The following WLS variants were observed in gnomAD, a reference collection of about 807,000 sequenced individuals.
WLS encodes protein wntless homolog.
A neutral mutation model predicts 62.8 loss-of-function variants in WLS; 23 were observed. The ratio of observed to expected loss-of-function variants is 0.37; its 90% CI spans 0.26 to 0.52. WLS has a LOEUF of 0.52. Among genes scored for constraint, WLS ranks in the 20% least tolerant of loss-of-function variants. The pLI, the probability that WLS is intolerant of heterozygous loss-of-function variation, is 0.92. For missense variants in WLS, 615 were observed against 697.3 expected, an observed-to-expected ratio of 0.88 and a Z score of 1.33; for synonymous variants, 246 against 244.1, an observed-to-expected ratio of 1.01 and a Z score of -0.07.
intron 5 of WLS, among the ~76,000 whole-genome samples, chr1:68,152,759 G>T (rs532962492): frequency 1.3e-5 from 2 of 152,152 alleles, no homozygotes; most frequent in Non-Finnish European, 2.9e-5. Context: ...TGGGAAATGG[G>T]AGAATTTTGT....
At chr1:68,131,210 C>CT (rs5774913) in intron 11 of WLS, among the ~76,000 whole-genome samples, 90,154 of 146,142 alleles carry the variant, frequency 0.62, 27,931 homozygotes, top group Non-Finnish European at 0.68. Flanking sequence ...CGCACCTGGC[C>CT]TTTTTTTTTT....
chr1:68,159,265 C>A lies in WLS; in HGVS notation c.380-18G>T. ...ATTTTCTCCTGCAAGAGAAAGGATG[C>A]ACGTTTCAGAAATGACTTTTGGAAA... On this transcript the variant is annotated intron_variant, in intron 2 of 11. Coordinates refer to ENST00000262348, the MANE Select transcript of WLS (RefSeq NM_024911.7). 6.2e-7 allele frequency: 1 copy of A among 1,608,130 alleles called. No homozygotes were observed. The highest frequency in any genetic ancestry group is 8.5e-7 in the Non-Finnish European group (1 of 1,178,158).
At chr1:68,124,351 C>A (rs188931325), downstream of WLS, among the ~76,000 whole-genome samples, 4 of 152,322 alleles carry the variant, frequency 2.6e-5, no homozygotes, top group Admixed American at 2.6e-4. Flanking sequence ...GTGCACAGGG[C>A]TCATCATCTG....
intron 1 of WLS, among the ~76,000 whole-genome samples, chr1:68,211,452 C>T (rs1199105655): frequency 2.0e-5 from 3 of 152,136 alleles, no homozygotes; most frequent in Non-Finnish European, 2.9e-5. Context: ...TTTTCCCTAT[C>T]GCCTCATCTC....
chr1:68,147,466 A>C (rs577242667), intron 8 of WLS, among the ~76,000 whole-genome samples: 1 of 152,362 alleles, frequency 6.6e-6, no homozygotes, highest in African/African-American at 2.4e-5. Context: ...TCAAGGAAGA[A>C]TACAACCCAA....
chr1:68,118,256 A>T (rs192503779), intron 11 of WLS, among the ~76,000 whole-genome samples: 16 of 152,358 alleles, frequency 1.1e-4, no homozygotes, highest in Admixed American at 8.5e-4. Flanking sequence ...ACCTAAAAAT[A>T]TCAAGTCATA....
At chr1:68,186,795 TATAAC>T (rs3053455) in intron 2 of WLS, 80,685 of 352,192 alleles carry the variant, frequency 0.23, 9,923 homozygotes, top group Non-Finnish European at 0.26. Context: ...GCTGAATATA[TATAAC>T]ATAATATATA....
At chr1:68,155,306 A>T (rs372877016) in intron 3 of WLS, 46 bp from the exon 4 acceptor site, 387 of 1,572,036 alleles carry the variant, frequency 2.5e-4, no homozygotes, top group Admixed American at 4.9e-4. Context: ...TATTTCCAAT[A>T]GACTGGCTCT....
chr1:68,223,187 G>A (rs2100664233), intron 1 of WLS, among the ~76,000 whole-genome samples: 1 of 152,328 alleles, frequency 6.6e-6, no homozygotes, highest in African/African-American at 2.4e-5. Context: ...AATAGATTGA[G>A]TAAAAGCATG....
intron 1 of WLS, among the ~76,000 whole-genome samples, chr1:68,197,822 T>C (rs1009919597): frequency 6.6e-6 from 1 of 152,184 alleles, no homozygotes; most frequent in Non-Finnish European, 1.5e-5. Context: ...GTCTGTAAAT[T>C]TTTTTAAAGT....
rs756171146 is a variant in WLS, at chr1:68,137,950, G to A, written c.1363-17C>T. 22 of 1,612,998 alleles carry A rather than the reference G, an allele frequency of 1.4e-5. No homozygotes were observed. The highest frequency in any genetic ancestry group is 1.7e-5 in the Admixed American group (1 of 59,866). On this transcript the variant is annotated splice_polypyrimidine_tract_variant and intron_variant, in intron 10 of 11. Transcript: ENST00000262348. ...TTCCGTTACCTGCGGAGAAAGGATG[G>A]TGATATTCAATTGAAACAGAGAAGA...
At chr1:68,190,552 G>A (rs985421611) in intron 2 of WLS, among the ~76,000 whole-genome samples, 10 of 152,208 alleles carry the variant, frequency 6.6e-5, no homozygotes, top group Admixed American at 3.3e-4. Context: ...GCCATGTTGC[G>A]AGGCAGTCTT....
At chr1:68,111,240 T>C (rs1426154389) in intron 11 of WLS, among the ~76,000 whole-genome samples, 1 of 152,212 alleles carries the variant, frequency 6.6e-6, no homozygotes, top group East Asian at 1.9e-4. Context: ...GGACCATAGA[T>C]GAACTACATC....
rs376438339 is a variant in WLS at position 68,132,733 on chromosome 1, ACTT to A, written c.1516+5044_1516+5046del. Among the ~76,000 whole-genome samples the A allele has an allele frequency of 2.7e-3, 418 of 152,254 alleles. 2 individuals carry two copies. Among genetic ancestry groups the A allele is most frequent in the African/African-American group, 9.5e-3 (394 of 41,548 alleles). ...CATCTAGTTGGGAATTCTGTGTCTCACTTCTTTTTTTAAAACATTCTGACAAGA... is the reference window on the plus strand; with the variant it reads ...CATCTAGTTGGGAATTCTGTGTCTCACTTTTTTTAAAACATTCTGACAAGA... On this transcript the variant is annotated intron_variant, in intron 11 of 11. Transcript: ENST00000262348.
chr1:68,231,739 T>C (rs957938614), intron 1 of WLS: 1 of 464,284 alleles, frequency 2.2e-6, no homozygotes, highest in Non-Finnish European at 4.3e-6. Context: ...GAGCTCCGGG[T>C]TTGCGCCGGG....
chr1:68,201,769 C>T (rs138399605), intron 1 of WLS, among the ~76,000 whole-genome samples: 194 of 152,260 alleles, frequency 1.3e-3, no homozygotes, highest in African/African-American at 4.5e-3. Flanking sequence ...CACAAACATA[C>T]ATACTACATA....
At chr1:68,208,834 G>T (rs1043288079) in intron 1 of WLS, among the ~76,000 whole-genome samples, 2 of 152,180 alleles carry the variant, frequency 1.3e-5, no homozygotes, top group Non-Finnish European at 2.9e-5. Flanking sequence ...GGCGTGTTAG[G>T]AGTGTGGGTC....
chr1:68,184,548 A>T lies in WLS; in HGVS notation c.379+9407T>A, dbSNP rs1390842372. Among the ~76,000 whole-genome samples, 25 of 152,234 alleles carry T rather than the reference A, an allele frequency of 1.6e-4. 1 individual carries two copies. The highest frequency in any genetic ancestry group is 8.8e-5 in the Non-Finnish European group (6 of 68,050). ...CATTTTTATCAGTGATTCATAATAC[A>T]TCCAGACTCTAAATGTTAAGGCTGA... On this transcript the variant is annotated intron_variant, in intron 2 of 11. Coordinates refer to ENST00000262348, the MANE Select transcript of WLS (RefSeq NM_024911.7).
At chr1:68,099,198 T>C (rs967296656) in intron 11 of WLS, among the ~76,000 whole-genome samples, 50 of 152,094 alleles carry the variant, frequency 3.3e-4, no homozygotes, top group Non-Finnish European at 1.2e-4. Context: ...TCTTTAAATT[T>C]ATTTTTATTT....
Sources: gnomAD v4.1 joint callset for allele counts (sites outside exome capture counted in the v4.1 genomes callset) on GRCh38, gnomAD v4.1.1 for gene constraint, MANE v1.5 for transcripts, NCBI Gene and HGNC (gene_info 2026-07-23, HGNC 2026-07-21) for gene names.